Variants in PSMD4 observed in about 807,000 individuals in gnomAD.
The protein encoded by PSMD4 is 26S proteasome non-ATPase regulatory subunit 4.
A neutral mutation model predicts 39.7 loss-of-function variants in PSMD4; 5 were observed. The ratio of observed to expected loss-of-function variants is 0.13; its 90% CI spans 0.07 to 0.26. The LOEUF is 0.26. Among genes scored for constraint, PSMD4 ranks in the 10% least tolerant of loss-of-function variants. PSMD4 has a pLI of 1.00. For missense variants in PSMD4, 272 were observed against 486.1 expected (o/e 0.56, Z 4.14); for synonymous variants, 143 against 174.6 (o/e 0.82, Z 1.43).
chr1:151,265,331 A>G, intron 5 of PSMD4, 63 bp from the exon 6 acceptor site: 6 of 1,599,366 alleles, frequency 3.8e-6, no homozygotes, highest in Non-Finnish European at 5.1e-6. Flanking sequence ...AGAGTAGTGC[A>G]GAAATGGGAA....
At chr1:151,256,664 T>G (rs1693179351) in intron 1 of PSMD4, among the ~76,000 whole-genome samples, 1 of 151,082 alleles carries the variant, frequency 6.6e-6, no homozygotes, top group Non-Finnish European at 1.5e-5. Context: ...CTCAAACTGC[T>G]GAGCTCAGGT....
At position 151,266,983 on chromosome 1, in the gene PSMD4, G is replaced by C. The variant is rs748274378; in HGVS notation, c.964-190G>C. On this transcript the variant is annotated intron_variant, in intron 9 of 9. Coordinates refer to ENST00000368884, the MANE Select transcript of PSMD4 (RefSeq NM_002810.4). ...CTCAGCAGGCCCCTCTATTTGGTTA[G>C]TAATAACTGCATTCATGCTGTATAA... is the stretch of plus-strand genomic sequence containing the variant. The C allele has an allele frequency of 2.5e-5, 19 of 755,238 alleles. No homozygotes were observed. In the East Asian group the frequency reaches 4.4e-4, roughly 18 times the overall value. The allele number at this position is 755,238 out of a possible 1,614,324, so 46.8% of individuals were successfully genotyped here. A position where few individuals can be genotyped will look rare whatever the true frequency, so the allele number is the denominator to read the frequency against.
chr1:151,260,848 A>ATT (rs111878731), intron 1 of PSMD4, among the ~76,000 whole-genome samples: 21 of 136,478 alleles, frequency 1.5e-4, no homozygotes, highest in African/African-American at 4.0e-4. Context: ...TATTTTATAG[A>ATT]TTTTTTTTTT....
chr1:151,267,116 C>T, intron 9 of PSMD4, 57 bp from the exon 10 acceptor site: 2 of 1,602,368 alleles, frequency 1.2e-6, no homozygotes, highest in African/African-American at 1.3e-5. Flanking sequence ...GTCCTTAACA[C>T]CTGCTTACTT....
At chr1:151,255,272 T>C (rs904595750) in intron 1 of PSMD4, among the ~76,000 whole-genome samples, 1 of 152,236 alleles carries the variant, frequency 6.6e-6, no homozygotes, top group African/African-American at 2.4e-5. Context: ...TTGCTTTTTA[T>C]GTATCAGTCA....
At position 151,263,168 on chromosome 1, in the gene PSMD4, T is replaced by C. The variant is rs587704419; in HGVS notation, c.168-746T>C. On this transcript the variant is annotated intron_variant, in intron 2 of 9. Transcript: ENST00000368884. ...TTTCCATTAAATACTAGATGTTTGATTGAGAAGAATAGAGGCCAAGCACAG... is the reference window on the plus strand; with the variant it reads ...TTTCCATTAAATACTAGATGTTTGACTGAGAAGAATAGAGGCCAAGCACAG... Among the ~76,000 whole-genome samples the C allele has an allele frequency of 2.0e-5, 3 of 152,144 alleles. No individual in the cohort carries two copies. In the South Asian group the frequency reaches 6.2e-4, roughly 32 times the overall value.
Position 151,262,210 on chromosome 1 carries a change from C to A in PSMD4, c.76C>A (p.Leu26Met), listed in dbSNP as rs746231007. 6.2e-7 allele frequency: 1 copy of A among 1,614,170 alleles called. No individual in the cohort carries two copies. The highest frequency in any genetic ancestry group is 2.2e-5 in the East Asian group (1 of 44,888). Residue 26 changes from leucine to methionine, a missense_variant, in exon 2 of 10, where the codon CTG (leucine) becomes ATG (methionine). Physicochemically the swap from Leu to Met is conservative, Grantham distance 15. This residue lies in a region of PSMD4 where 153 missense variants were observed against 257.6 expected (regional missense o/e 0.59). Transcript: ENST00000368884. Reference sequence around the variant, plus strand: ...GAATGGAGACTTCTTACCCACCAGGCTGCAGGCCCAGCAGGATGCTGTCAA... The same window carrying A: ...GAATGGAGACTTCTTACCCACCAGGATGCAGGCCCAGCAGGATGCTGTCAA... ...MRNGDFLPTR[L>M]QAQQDAVNIV...
chr1:151,261,859 G>T (rs1693327734), intron 1 of PSMD4, among the ~76,000 whole-genome samples: 1 of 151,286 alleles, frequency 6.6e-6, no homozygotes, highest in Non-Finnish European at 1.5e-5. Flanking sequence ...GGAGGCTGAG[G>T]TGAGAGGATC....
At chr1:151,265,320 C>T in intron 5 of PSMD4, 74 bp from the exon 6 acceptor site, 1 of 1,592,262 alleles carries the variant, frequency 6.3e-7, no homozygotes, top group Non-Finnish European at 8.6e-7. Flanking sequence ...GGTACTGTGG[C>T]AGAGTAGTGC....
chr1:151,265,745 CG>C (rs1286640335), intron 6 of PSMD4, 136 bp downstream of exon 6: 1 of 1,036,256 alleles, frequency 9.7e-7, no homozygotes, highest in Non-Finnish European at 1.4e-6. Context: ...CTCCTTTTGC[CG>C]CCTCTTCCCT....
At chr1:151,265,719 A>C in intron 6 of PSMD4, 110 bp downstream of exon 6, 1 of 1,223,454 alleles carries the variant, frequency 8.2e-7, no homozygotes, top group Non-Finnish European at 1.2e-6. Context: ...ACTACCAATC[A>C]CTCATTTTCC....
intron 2 of PSMD4, chr1:151,262,620 A>G (rs1355380870): frequency 1.4e-5 from 4 of 280,670 alleles, no homozygotes; most frequent in Non-Finnish European, 2.8e-5. Context: ...CATGTCTGTA[A>G]TCCCAAGAGT....
At chr1:151,261,205 G>A (rs1377269357) in intron 1 of PSMD4, among the ~76,000 whole-genome samples, 1 of 116,660 alleles carries the variant, frequency 8.6e-6, no homozygotes, top group Non-Finnish European at 1.7e-5. Flanking sequence ...TTTTTGAGAC[G>A]AAGTTTTGCT....
At chr1:151,266,837 C>T in intron 9 of PSMD4, 1 of 725,170 alleles carries the variant, frequency 1.4e-6, no homozygotes, top group Non-Finnish European at 2.5e-6. Context: ...TCTAGGATGT[C>T]TTCCCAGGAG....
intron 1 of PSMD4, among the ~76,000 whole-genome samples, chr1:151,255,810 G>A (rs1366501524): frequency 2.0e-5 from 3 of 151,924 alleles, no homozygotes; most frequent in African/African-American, 7.3e-5. Context: ...TGCAGCCTCC[G>A]CCTCCCTGGT....
chr1:151,265,909 C>CTTTATGTTCCTTTATGTTCCTTTATGTT, intron 6 of PSMD4, 95 bp from the exon 7 acceptor site: 2 of 1,434,120 alleles, frequency 1.4e-6, no homozygotes, highest in East Asian at 2.4e-5. Flanking sequence ...CAGAAGCTGC[C>CTTTATGTTCCTTTATGTTCCTTTATGTT]CCTTTATGTT....
Position 151,260,725 on chromosome 1 carries a change from T to C in PSMD4, c.27-1436T>C, listed in dbSNP as rs139700226. Among the ~76,000 whole-genome samples the C allele has an allele frequency of 9.0e-3, 1,362 of 151,926 alleles. 13 individuals are homozygous for C. Among genetic ancestry groups the C allele is most frequent in the African/African-American group, 0.017 (714 of 41,400 alleles). On this transcript the variant is annotated intron_variant, in intron 1 of 9. Coordinates refer to ENST00000368884, the MANE Select transcript of PSMD4 (RefSeq NM_002810.4). Reference sequence around the variant, plus strand: ...TAACTTTTATATTTTTTAGTAGAGATAGGGTTTCACCATGTTTGCCAGGCT... The same window carrying C: ...TAACTTTTATATTTTTTAGTAGAGACAGGGTTTCACCATGTTTGCCAGGCT...
chr1:151,267,283 C>G lies in PSMD4; in HGVS notation c.1074C>G (p.Ser358=), dbSNP rs1428437765. 6 of 1,613,884 alleles carry G rather than the reference C, an allele frequency of 3.7e-6. No homozygotes were observed. Among genetic ancestry groups the G allele is most frequent in the Non-Finnish European group, 5.1e-6 (6 of 1,179,832 alleles). The change falls in exon 10 of 10, where the codon TCC becomes TCG. Residue 358 remains serine, a synonymous_variant. Transcript: ENST00000368884. ...NNEAIRNAMG[S]LASQATKDGK... ...AAGCCATTCGAAATGCTATGGGCTC[C>G]CTGGCCTCCCAGGCCACCAAGGACG...
At chr1:151,261,151 C>A (rs1488203750) in intron 1 of PSMD4, among the ~76,000 whole-genome samples, 1 of 150,362 alleles carries the variant, frequency 6.7e-6, no homozygotes, top group Admixed American at 6.6e-5. Context: ...CTGTGCCCAG[C>A]CTATTTTATA....
Sources: gnomAD v4.1 joint callset for allele counts (sites outside exome capture counted in the v4.1 genomes callset) on GRCh38, gnomAD v4.1.1 for gene constraint, gnomAD v4.1.1 regional missense constraint, MANE v1.5 for transcripts, NCBI Gene and HGNC (gene_info 2026-07-23, HGNC 2026-07-21) for gene names.